The following RELN variants were observed in gnomAD, a reference collection of about 807,000 sequenced individuals.
The protein encoded by RELN is reelin.
In RELN, 108 loss-of-function variants were observed where a neutral mutation model predicts 427.6. The observed-to-expected ratio is 0.25, with a 90% CI of 0.22 to 0.30. The LOEUF is 0.30. Among genes scored for constraint, RELN ranks in the 10% least tolerant of loss-of-function variants. The pLI is 1.00. For synonymous variants in RELN, 1,524 were observed against 1,513.4 expected (o/e 1.01, Z -0.16); for missense variants, 3,715 against 4,302.8 (o/e 0.86, Z 3.82).
intron 52 of RELN, among the ~76,000 whole-genome samples, chr7:103,502,453 A>G (rs753726240): frequency 1.3e-5 from 2 of 152,210 alleles, no homozygotes; most frequent in Admixed American, 6.5e-5. Context: ...ATTGCCTTAA[A>G]TTAATATATC....
chr7:103,629,811 T>C lies in RELN; in HGVS notation c.2702+129A>G, dbSNP rs930456355. The stretch of plus-strand genomic sequence containing the variant: ...TGTAACAACCTGAAAACAGTAGTTC[T>C]GTTTTCAAGTAGTTCCTATTTAGTA... On this transcript the variant is annotated intron_variant, in intron 20 of 64. Transcript: ENST00000428762. The C allele has an allele frequency of 4.0e-6, 3 of 750,796 alleles. No homozygotes were observed. In the African/African-American group the frequency reaches 5.2e-5, roughly 13 times the overall value. The allele number at this position is 750,796 out of a possible 1,614,324, so 46.5% of individuals were successfully genotyped here.
At chr7:103,485,550 A>C (rs1828406541) in intron 61 of RELN, among the ~76,000 whole-genome samples, 1 of 152,184 alleles carries the variant, frequency 6.6e-6, no homozygotes. Flanking sequence ...TTATATAGAC[A>C]AAAAGCTGTG....
chr7:103,800,165 C>T (rs554788842), intron 3 of RELN, among the ~76,000 whole-genome samples: 19 of 152,176 alleles, frequency 1.2e-4, no homozygotes, highest in Non-Finnish European at 2.2e-4. Context: ...ATAAATAAAG[C>T]GTATTCAGTT....
chr7:103,977,310 C>CAAAAAAAAAAAAAAAAAAAAAAAAA (rs201026012), intron 1 of RELN, among the ~76,000 whole-genome samples: 6 of 88,260 alleles, frequency 6.8e-5, no homozygotes, highest in African/African-American at 2.6e-4. Context: ...GACTCTGTCT[C>CAAAAAAAAAAAAAAAAAAAAAAAAA]AAAAAAAAAA....
intron 8 of RELN, among the ~76,000 whole-genome samples, chr7:103,719,944 G>A (rs1259125963): frequency 6.6e-6 from 1 of 152,130 alleles, no homozygotes; most frequent in Non-Finnish European, 1.5e-5. Context: ...TGGATAACAT[G>A]ATAAATTTCA....
intron 4 of RELN, among the ~76,000 whole-genome samples, chr7:103,756,670 TG>T (rs1471366015): frequency 2.0e-5 from 3 of 152,170 alleles, no homozygotes; most frequent in African/African-American, 4.8e-5. Flanking sequence ...ATAAGTGGTC[TG>T]GGGAGCTTCA....
chr7:103,836,195 A>G (rs1793403596), intron 2 of RELN, among the ~76,000 whole-genome samples: 1 of 151,998 alleles, frequency 6.6e-6, no homozygotes, highest in African/African-American at 2.4e-5. Context: ...TTGGACCACA[A>G]GTGATCCACC....
chr7:103,658,932 T>C (rs1833079646), intron 12 of RELN, among the ~76,000 whole-genome samples: 1 of 151,864 alleles, frequency 6.6e-6, no homozygotes, highest in Non-Finnish European at 1.5e-5. Flanking sequence ...GTTTATGTTC[T>C]TTCTCAGTCT....
intron 4 of RELN, among the ~76,000 whole-genome samples, chr7:103,757,115 C>T (rs1424128190): frequency 1.1e-4 from 16 of 152,134 alleles, no homozygotes. Flanking sequence ...ATTTAGTATA[C>T]TCCCATTTGG....
chr7:103,725,120 TA>T (rs1309855793), intron 7 of RELN, among the ~76,000 whole-genome samples: 1 of 152,194 alleles, frequency 6.6e-6, no homozygotes, highest in Non-Finnish European at 1.5e-5. Context: ...GTATGATAAC[TA>T]AATGAATCAG....
intron 49 of RELN, among the ~76,000 whole-genome samples, chr7:103,517,208 G>T (rs1829588488): frequency 6.6e-6 from 1 of 151,344 alleles, no homozygotes; most frequent in Non-Finnish European, 1.5e-5. Flanking sequence ...TATCTTGTGA[G>T]ATGTTCCTAA....
In RELN at chr7:103,895,357, T is replaced by C. The variant is rs1794937549; in HGVS notation, c.337+21718A>G. ...ACCACACGAGGCAAATGGGGGCCCA[T>C]TAAAATTTCCCCAACTGCTCTAATG... On this transcript the variant is annotated intron_variant, in intron 2 of 64. Coordinates refer to ENST00000428762, the MANE Select transcript of RELN (RefSeq NM_005045.4). Among the ~76,000 whole-genome samples the C allele has an allele frequency of 2.0e-5, 3 of 152,076 alleles. No homozygotes were observed. In the South Asian group the frequency reaches 6.2e-4, roughly 31 times the overall value.
intron 51 of RELN, among the ~76,000 whole-genome samples, chr7:103,509,781 G>T (rs1344085038): frequency 6.7e-6 from 1 of 149,968 alleles, no homozygotes; most frequent in African/African-American, 2.5e-5. Flanking sequence ...AATCTACAAA[G>T]ACCTTAAAGA....
At chr7:103,869,950 T>C (rs1008037263) in intron 2 of RELN, among the ~76,000 whole-genome samples, 1 of 152,180 alleles carries the variant, frequency 6.6e-6, no homozygotes, top group South Asian at 2.1e-4. Context: ...ATTTGATCTG[T>C]ACATTGAGTA....
chr7:103,809,071 TAAG>T (rs1450538217), intron 3 of RELN, among the ~76,000 whole-genome samples: 6 of 152,192 alleles, frequency 3.9e-5, no homozygotes, highest in Non-Finnish European at 2.9e-5. Context: ...TAGAAAGCGT[TAAG>T]AATGGGAATG....
intron 6 of RELN, among the ~76,000 whole-genome samples, chr7:103,730,411 A>G (rs1220874503): frequency 6.6e-6 from 1 of 152,006 alleles, no homozygotes; most frequent in Non-Finnish European, 1.5e-5. Context: ...GCCTGGAATT[A>G]GAGAACCAGT....
chr7:103,707,906 C>G (rs1282759488), intron 8 of RELN, among the ~76,000 whole-genome samples: 1 of 152,072 alleles, frequency 6.6e-6, no homozygotes, highest in African/African-American at 2.4e-5. Flanking sequence ...ATAATATTTA[C>G]CAGTGTAAAA....
intron 4 of RELN, among the ~76,000 whole-genome samples, chr7:103,768,647 G>A (rs940529715): frequency 4.6e-5 from 7 of 152,150 alleles, no homozygotes; most frequent in Non-Finnish European, 1.0e-4. Context: ...AGTCTATGTT[G>A]CATGCCAAAC....
At chr7:103,985,353 T>C (rs962661496) in intron 1 of RELN, among the ~76,000 whole-genome samples, 9 of 152,224 alleles carry the variant, frequency 5.9e-5, no homozygotes, top group Non-Finnish European at 1.2e-4. Context: ...CCCCATCTTA[T>C]GCTACCATAG....
Sources: gnomAD v4.1 joint callset for allele counts (sites outside exome capture counted in the v4.1 genomes callset) on GRCh38, gnomAD v4.1.1 for gene constraint, MANE v1.5 for transcripts, NCBI Gene and HGNC (gene_info 2026-07-23, HGNC 2026-07-21) for gene names.